Variants in AFG2A observed in about 807,000 individuals in gnomAD.
AFG2A encodes the protein ATPase family gene 2 protein homolog A.
At chr4:123,178,617 T>G in the AFG2A span, among the ~76,000 whole-genome samples, 40 of 152,338 alleles carry the variant, frequency 2.6e-4, no homozygotes, top group Non-Finnish European at 4.9e-4. Flanking sequence ...CTTGAAAATT[T>G]CTATGTGTTT....
the AFG2A span, among the ~76,000 whole-genome samples, chr4:123,055,483 C>G: frequency 4.6e-5 from 7 of 152,146 alleles, no homozygotes; most frequent in African/African-American, 7.2e-5. Flanking sequence ...AAGCCAAATA[C>G]TGCCCATACC....
At chr4:123,248,962 A>G in the AFG2A span, among the ~76,000 whole-genome samples, 1 of 152,216 alleles carries the variant, frequency 6.6e-6, no homozygotes, top group African/African-American at 2.4e-5. Flanking sequence ...CATACATGCC[A>G]TATGCCAAAC....
At chr4:123,308,382 C>T in the AFG2A span, among the ~76,000 whole-genome samples, 2 of 152,172 alleles carry the variant, frequency 1.3e-5, no homozygotes, top group African/African-American at 4.8e-5. Context: ...CCAGGCCATG[C>T]ACCGGTACTG....
chr4:123,169,365 C>T, the AFG2A span, among the ~76,000 whole-genome samples: 1 of 152,090 alleles, frequency 6.6e-6, no homozygotes, highest in African/African-American at 2.4e-5. Flanking sequence ...CTACGGCATG[C>T]CTATATTTTA....
the AFG2A span, among the ~76,000 whole-genome samples, chr4:123,030,950 G>A: frequency 1.3e-5 from 2 of 152,152 alleles, no homozygotes; most frequent in South Asian, 4.1e-4. Context: ...TACTCAACAT[G>A]TACTATTCGT....
chr4:123,024,737 G>T, the AFG2A span, among the ~76,000 whole-genome samples: 3 of 152,242 alleles, frequency 2.0e-5, no homozygotes, highest in Non-Finnish European at 4.4e-5. Context: ...AGAGTCAGAG[G>T]TGAATGCTTG....
the AFG2A span, among the ~76,000 whole-genome samples, chr4:122,939,328 C>T: frequency 9.9e-5 from 15 of 151,912 alleles, no homozygotes; most frequent in Admixed American, 3.9e-4. Flanking sequence ...GTGATCCGCC[C>T]GCCTCGGCCT....
At chr4:123,124,978 A>G in the AFG2A span, among the ~76,000 whole-genome samples, 1 of 152,218 alleles carries the variant, frequency 6.6e-6, no homozygotes, top group African/African-American at 2.4e-5. Flanking sequence ...TTACTTTTCC[A>G]TGAGTTCTTA....
At chr4:123,137,885 T>A in the AFG2A span, among the ~76,000 whole-genome samples, 1 of 152,234 alleles carries the variant, frequency 6.6e-6, no homozygotes, top group African/African-American at 2.4e-5. Flanking sequence ...CATCTAAGTT[T>A]TCACAGTCTA....
At chr4:123,312,307 GAA>G in the AFG2A span, among the ~76,000 whole-genome samples, 1 of 152,174 alleles carries the variant, frequency 6.6e-6, no homozygotes, top group Non-Finnish European at 1.5e-5. Flanking sequence ...GCAGGAGAGA[GAA>G]AGAGAGCTCC....
chr4:123,063,301 CAG>C, the AFG2A span, among the ~76,000 whole-genome samples: 4 of 152,072 alleles, frequency 2.6e-5, no homozygotes, highest in South Asian at 2.1e-4. Flanking sequence ...AATAGGAAAA[CAG>C]AGAAAAATTT....
chr4:122,975,293 G>A, the AFG2A span, among the ~76,000 whole-genome samples: 15 of 152,200 alleles, frequency 9.9e-5, no homozygotes, highest in East Asian at 2.3e-3. Flanking sequence ...AAAAGGGCAA[G>A]CCTTTCTTAT....
the AFG2A span, among the ~76,000 whole-genome samples, chr4:123,185,526 T>G: frequency 6.6e-6 from 1 of 152,164 alleles, no homozygotes; most frequent in African/African-American, 2.4e-5. Flanking sequence ...ACACAGCTAA[T>G]AGCTGAAATA....
the AFG2A span, among the ~76,000 whole-genome samples, chr4:122,999,444 A>C: frequency 3.4e-3 from 511 of 151,284 alleles, 3 homozygotes; most frequent in African/African-American, 0.012. Context: ...GGTTTTAGGT[A>C]TAGCGTTTAA....
the AFG2A span, among the ~76,000 whole-genome samples, chr4:122,981,295 G>T: frequency 6.6e-6 from 1 of 152,028 alleles, no homozygotes; most frequent in Admixed American, 6.6e-5. Context: ...TCGTCATTGC[G>T]TGTTCTTCGG....
At chr4:123,193,303 CAG>C in the AFG2A span, among the ~76,000 whole-genome samples, 6 of 152,194 alleles carry the variant, frequency 3.9e-5, no homozygotes, top group Non-Finnish European at 7.3e-5. Flanking sequence ...TGAGTACACT[CAG>C]AAAGTTTCTA....
the AFG2A span, among the ~76,000 whole-genome samples, chr4:123,185,684 A>T: frequency 3.3e-3 from 501 of 152,196 alleles, 3 homozygotes; most frequent in Middle Eastern, 0.017. Context: ...TTTTTTTCTT[A>T]TACATGAAGG....
At chr4:123,038,381 T>C in the AFG2A span, among the ~76,000 whole-genome samples, 1 of 152,220 alleles carries the variant, frequency 6.6e-6, no homozygotes, top group Admixed American at 6.5e-5. Flanking sequence ...TTGATGTATG[T>C]TTGACCTCAA....
At chr4:122,998,066 T>G in the AFG2A span, among the ~76,000 whole-genome samples, 1 of 152,286 alleles carries the variant, frequency 6.6e-6, no homozygotes, top group Admixed American at 6.5e-5. Context: ...GATATGTTAT[T>G]TGCACATTTA....
Sources: allele counts gnomAD v4.1 joint callset (sites outside exome capture counted in the v4.1 genomes callset), GRCh38; gene constraint gnomAD v4.1.1; transcripts MANE v1.5; gene names NCBI Gene and HGNC (gene_info 2026-07-23, HGNC 2026-07-21).